ELAVL4: variants seen among roughly 807,000 people sequenced by gnomAD.
ELAVL4 encodes the protein ELAV-like protein 4.
In ELAVL4, 1 loss-of-function variant was observed where a neutral mutation model predicts 35.6. That is an observed-to-expected ratio of 0.03 (90% CI 0.01 to 0.13). ELAVL4 has a LOEUF of 0.13. Among genes scored for constraint, ELAVL4 ranks in the 10% least tolerant of loss-of-function variants. ELAVL4 has a pLI of 1.00. For missense variants in ELAVL4, 267 were observed against 464.9 expected, an observed-to-expected ratio of 0.57 and a Z score of 3.91; for synonymous variants, 156 against 171.0, an observed-to-expected ratio of 0.91 and a Z score of 0.69.
chr1:50,087,674 A>G (rs913895802), intron 1 of ELAVL4, among the ~76,000 whole-genome samples: 1 of 152,100 alleles, frequency 6.6e-6, no homozygotes, highest in African/African-American at 2.4e-5. Flanking sequence ...TCTAGGGGGT[A>G]ATTAAGGTTA....
At chr1:50,084,922 A>G (rs1334228643) in intron 1 of ELAVL4, among the ~76,000 whole-genome samples, 2 of 152,086 alleles carry the variant, frequency 1.3e-5, no homozygotes, top group Non-Finnish European at 2.9e-5. Context: ...CTTCACCTTT[A>G]TAGGTCTGGG....
intron 1 of ELAVL4, among the ~76,000 whole-genome samples, chr1:50,136,245 G>A (rs1226112754): frequency 1.3e-5 from 2 of 152,074 alleles, no homozygotes; most frequent in Admixed American, 6.6e-5. Context: ...GGAACACAGA[G>A]CCTGCTGTGT....
At chr1:50,178,337 A>G (rs1193084037) in intron 3 of ELAVL4, among the ~76,000 whole-genome samples, 5 of 152,244 alleles carry the variant, frequency 3.3e-5, no homozygotes. Flanking sequence ...TAGTCCAACA[A>G]AGCTACTTTT....
At chr1:50,063,996 A>G (rs1340194225) in intron 1 of ELAVL4, among the ~76,000 whole-genome samples, 8 of 152,122 alleles carry the variant, frequency 5.3e-5, no homozygotes, top group African/African-American at 1.7e-4. Context: ...GGGAAGAGGG[A>G]AGGCAGGATT....
chr1:50,201,190 T>G lies in ELAVL4; in HGVS notation c.*12T>G. 2 of 1,551,328 alleles carry G rather than the reference T, an allele frequency of 1.3e-6. No individual in the cohort carries two copies. Among genetic ancestry groups the G allele is most frequent in the Non-Finnish European group, 1.7e-6 (2 of 1,152,206 alleles). On this transcript the variant is annotated 3_prime_UTR_variant, in exon 7 of 7. Transcript: ENST00000371824. This position sits in a 1 kb window ranked among gnomAD's most constrained non-coding sequence, Gnocchi z 4.3. ...CCCACAAGTCCTGAATTTCCCATTC[T>G]TACTTACTAAAATATATATAGAAAT...
chr1:50,051,703 T>C (rs974528818), intron 1 of ELAVL4, among the ~76,000 whole-genome samples: 12 of 152,190 alleles, frequency 7.9e-5, no homozygotes, highest in Non-Finnish European at 1.5e-4. Context: ...AACTTGTGAT[T>C]TTTTTATTGG....
At chr1:50,134,948 G>A (rs1312054169) in intron 1 of ELAVL4, among the ~76,000 whole-genome samples, 4 of 152,154 alleles carry the variant, frequency 2.6e-5, no homozygotes, top group African/African-American at 4.8e-5. Context: ...TTTAGGAGGG[G>A]AAATGGGTGT....
chr1:50,194,121 T>C (rs557472960), intron 4 of ELAVL4, among the ~76,000 whole-genome samples: 126 of 152,330 alleles, frequency 8.3e-4, no homozygotes, highest in African/African-American at 3.0e-3. Flanking sequence ...TTCTCCATCA[T>C]GGGACTTGTT....
At chr1:50,200,790 G>C in intron 6 of ELAVL4, 61 bp from the exon 7 acceptor site, 2 of 1,580,676 alleles carry the variant, frequency 1.3e-6, no homozygotes, top group Non-Finnish European at 8.6e-7. Flanking sequence ...CTGTGCATCT[G>C]TGTGTTATCC....
chr1:50,127,688 C>G (rs184932200), intron 1 of ELAVL4, among the ~76,000 whole-genome samples: 3 of 152,042 alleles, frequency 2.0e-5, no homozygotes, highest in East Asian at 3.9e-4. Context: ...TTCTGTGAAG[C>G]CTATAACATT....
intron 1 of ELAVL4, among the ~76,000 whole-genome samples, chr1:50,080,409 G>T (rs1664953500): frequency 1.3e-5 from 2 of 149,430 alleles, no homozygotes; most frequent in East Asian, 3.9e-4. Context: ...GTAATATGTT[G>T]TTGATTTCAC....
At chr1:50,106,273 A>G, upstream of ELAVL4, 1 of 1,601,184 alleles carries the variant, frequency 6.2e-7, no homozygotes, top group South Asian at 1.1e-5. Flanking sequence ...GCTGCCGGCG[A>G]CTGATGCTGA....
chr1:50,173,785 C>T (rs1270776619), intron 2 of ELAVL4, among the ~76,000 whole-genome samples: 1 of 152,104 alleles, frequency 6.6e-6, no homozygotes, highest in African/African-American at 2.4e-5. Flanking sequence ...GTTGCCATCC[C>T]TATGTTCTCA....
chr1:50,161,304 G>T (rs985773643), intron 2 of ELAVL4, among the ~76,000 whole-genome samples: 1 of 151,802 alleles, frequency 6.6e-6, no homozygotes, highest in Non-Finnish European at 1.5e-5. Flanking sequence ...ATTCTTTCCT[G>T]TCTTGTAAGA....
At chr1:50,080,422 A>G (rs1452368914) in intron 1 of ELAVL4, among the ~76,000 whole-genome samples, 2 of 151,974 alleles carry the variant, frequency 1.3e-5, no homozygotes, top group Non-Finnish European at 2.9e-5. Flanking sequence ...GATTTCACAC[A>G]CACACACACA....
chr1:50,071,618 C>A (rs904969242), intron 1 of ELAVL4, among the ~76,000 whole-genome samples: 2 of 152,072 alleles, frequency 1.3e-5, no homozygotes, highest in Non-Finnish European at 2.9e-5. Flanking sequence ...AGAGAAGCAG[C>A]TAAGGTAAGA....
chr1:50,123,208 C>T (rs545070794), intron 1 of ELAVL4, among the ~76,000 whole-genome samples: 2 of 152,130 alleles, frequency 1.3e-5, no homozygotes, highest in East Asian at 1.9e-4. Context: ...TCTCCACCTA[C>T]CCCTAAGTTT....
chr1:50,173,696 G>A (rs892309097), intron 2 of ELAVL4, among the ~76,000 whole-genome samples: 4 of 152,118 alleles, frequency 2.6e-5, no homozygotes, highest in Non-Finnish European at 5.9e-5. Context: ...CTTTTTATTT[G>A]TTCAACTTCC....
At chr1:50,151,148 C>G (rs1312434023) in intron 2 of ELAVL4, among the ~76,000 whole-genome samples, 1 of 152,184 alleles carries the variant, frequency 6.6e-6, no homozygotes, top group Non-Finnish European at 1.5e-5. Flanking sequence ...GGAGGTGGTA[C>G]TTGAACCCAG....
Sources: allele counts gnomAD v4.1 joint callset (sites outside exome capture counted in the v4.1 genomes callset), GRCh38; gene constraint gnomAD v4.1.1; non-coding constraint Gnocchi (gnomAD v3.1); transcripts MANE v1.5; gene names NCBI Gene and HGNC (gene_info 2026-07-23, HGNC 2026-07-21).